The following SMIM31 variants were observed in gnomAD, a reference collection of about 807,000 sequenced individuals.
The protein encoded by SMIM31 is small integral membrane protein 31.
chr4:164,756,173 A>C (rs73871396), intron 1 of SMIM31, among the ~76,000 whole-genome samples: 1 of 152,198 alleles, frequency 6.6e-6, no homozygotes, highest in Non-Finnish European at 1.5e-5. Flanking sequence ...ATTTTAATGG[A>C]TATGTACATC....
At chr4:164,783,847 C>A (rs953018916) in intron 2 of SMIM31, among the ~76,000 whole-genome samples, 6 of 152,100 alleles carry the variant, frequency 3.9e-5, no homozygotes, top group African/African-American at 1.4e-4. Context: ...TTTGCCTGTA[C>A]TGACATTTTC....
At chr4:164,755,520 GGGAAGGGAGGGAGAGGAGA>G (rs2110912080) in intron 1 of SMIM31, among the ~76,000 whole-genome samples, 1 of 103,942 alleles carries the variant, frequency 9.6e-6, no homozygotes, top group Non-Finnish European at 2.0e-5. Context: ...GGGAGGAGAG[GGGAAGGGAGGGAGAGGAGA>G]GGAGGGGAGG....
At chr4:164,773,582 A>C (rs1732841138) in intron 2 of SMIM31, among the ~76,000 whole-genome samples, 1 of 152,152 alleles carries the variant, frequency 6.6e-6, no homozygotes, top group Non-Finnish European at 1.5e-5. Context: ...TCAGGTGAAA[A>C]GCATGGAGGT....
Position 164,770,551 on chromosome 4 carries a change from T to C in SMIM31, c.108T>C (p.Asn36=). ...ASIYTTPDDS[N]EEEEHEKKGR... is the part of the protein sequence containing the mutation. Reference sequence around the variant, plus strand: ...TCTACACTACTCCGGATGACAGTAATGAAGGTAAAAGAAGACAAAAAGAAC... The same window carrying C: ...TCTACACTACTCCGGATGACAGTAACGAAGGTAAAAGAAGACAAAAAGAAC... The change falls in exon 2 of 3, where the codon AAT becomes AAC. Residue 36 remains asparagine (N), a synonymous_variant. Coordinates refer to ENST00000507311, the MANE Select transcript of SMIM31 (RefSeq NM_001352885.1). 1 of 398,990 alleles carries C rather than the reference T, an allele frequency of 2.5e-6. No individual in the cohort carries two copies. Among genetic ancestry groups the C allele is most frequent in the South Asian group, 1.3e-4 (1 of 7,864 alleles). 24.7% of individuals were successfully genotyped at this position (398,990 alleles called of 1,614,324 possible).
intron 2 of SMIM31, among the ~76,000 whole-genome samples, chr4:164,783,055 T>TA (rs1471722330): frequency 1.4e-5 from 2 of 146,696 alleles, no homozygotes; most frequent in African/African-American, 5.1e-5. Flanking sequence ...CCATCTCTAC[T>TA]AAAAATACAA....
chr4:164,769,874 A>G (rs1035042920), intron 1 of SMIM31, among the ~76,000 whole-genome samples: 2 of 152,086 alleles, frequency 1.3e-5, no homozygotes, highest in East Asian at 3.8e-4. Flanking sequence ...GAGTGTCAGT[A>G]TAGTATATTG....
intron 1 of SMIM31, among the ~76,000 whole-genome samples, chr4:164,766,311 G>T (rs72694088): frequency 0.038 from 5,710 of 152,228 alleles, 200 homozygotes; most frequent in East Asian, 0.16. Context: ...TCCATTCACA[G>T]CTGTGAAATT....
chr4:164,792,289 AT>A (rs146793050), intron 2 of SMIM31, among the ~76,000 whole-genome samples: 13,616 of 152,212 alleles, frequency 0.089, 636 homozygotes, highest in Middle Eastern at 0.11. Flanking sequence ...TTGAAAATAT[AT>A]TTTTTAAAGA....
intron 2 of SMIM31, among the ~76,000 whole-genome samples, chr4:164,780,484 G>A (rs1379453535): frequency 6.6e-6 from 1 of 152,222 alleles, no homozygotes; most frequent in Non-Finnish European, 1.5e-5. Context: ...CATGTAGTAG[G>A]CAGGGGCCTA....
At chr4:164,775,813 C>A (rs1368682542) in intron 2 of SMIM31, among the ~76,000 whole-genome samples, 2 of 152,186 alleles carry the variant, frequency 1.3e-5, no homozygotes, top group Non-Finnish European at 2.9e-5. Flanking sequence ...GATGTTGGAA[C>A]TTTTTCCAGT....
At chr4:164,779,358 A>G (rs1391322847) in intron 2 of SMIM31, among the ~76,000 whole-genome samples, 1 of 152,198 alleles carries the variant, frequency 6.6e-6, no homozygotes, top group Non-Finnish European at 1.5e-5. Flanking sequence ...ATTGTTAGGA[A>G]AAAAATGCCA....
intron 2 of SMIM31, among the ~76,000 whole-genome samples, chr4:164,790,471 AT>A (rs1236266683): frequency 6.6e-6 from 1 of 152,160 alleles, no homozygotes; most frequent in Admixed American, 6.5e-5. Context: ...TATAAATTCC[AT>A]TTTTTATTAG....
chr4:164,759,141 A>C (rs1732612930), intron 1 of SMIM31, among the ~76,000 whole-genome samples: 2 of 152,072 alleles, frequency 1.3e-5, no homozygotes, highest in South Asian at 4.1e-4. Flanking sequence ...GTTTATGTAC[A>C]TTAAGAATAT....
chr4:164,789,682 A>G (rs1733075371), intron 2 of SMIM31, among the ~76,000 whole-genome samples: 1 of 152,270 alleles, frequency 6.6e-6, no homozygotes, highest in African/African-American at 2.4e-5. Flanking sequence ...ACTAAATTTT[A>G]TTAATCTGAC....
intron 1 of SMIM31, among the ~76,000 whole-genome samples, chr4:164,770,034 G>T (rs1012965151): frequency 5.9e-5 from 9 of 152,146 alleles, no homozygotes; most frequent in Admixed American, 5.2e-4. Flanking sequence ...CACTTACAGA[G>T]TTATTATGAG....
At chr4:164,783,915 G>GA (rs1341553160) in intron 2 of SMIM31, among the ~76,000 whole-genome samples, 4 of 151,914 alleles carry the variant, frequency 2.6e-5, no homozygotes, top group Admixed American at 6.6e-5. Context: ...CAGAAAATGT[G>GA]AAAAAAAGAA....
intron 2 of SMIM31, among the ~76,000 whole-genome samples, chr4:164,785,061 T>C (rs28642885): frequency 0.61 from 92,416 of 150,964 alleles, 29,369 homozygotes; most frequent in African/African-American, 0.78. Context: ...TTGTCTCTAC[T>C]AAAAATACAA....
At chr4:164,766,690 C>A (rs758176988) in intron 1 of SMIM31, among the ~76,000 whole-genome samples, 4 of 151,200 alleles carry the variant, frequency 2.6e-5, no homozygotes, top group Admixed American at 6.6e-5. Flanking sequence ...CCCAGCTACT[C>A]GGGGGACTGA....
rs1733281048 is a variant in SMIM31 at position 164,801,330 on chromosome 4, C to A, written c.*136C>A. ...TACTGATTAAACACGATGATAATAA[C>A]CATTAATGAACTCAATACTCGGGAA... On this transcript the variant is annotated 3_prime_UTR_variant, in exon 3 of 3. Coordinates refer to ENST00000507311, the MANE Select transcript of SMIM31 (RefSeq NM_001352885.1). 2.5e-6 allele frequency: 1 copy of A among 394,320 alleles called. No individual in the cohort carries two copies. The highest frequency in any genetic ancestry group is 1.4e-4 in the South Asian group (1 of 7,034). 24.4% of individuals were successfully genotyped at this position (394,320 alleles called of 1,614,324 possible). A position where few individuals can be genotyped will look rare whatever the true frequency, so the allele number is the denominator to read the frequency against.
Sources: gnomAD v4.1 joint callset for allele counts (sites outside exome capture counted in the v4.1 genomes callset) on GRCh38, gnomAD v4.1.1 for gene constraint, MANE v1.5 for transcripts, NCBI Gene and HGNC (gene_info 2026-07-23, HGNC 2026-07-21) for gene names.